The following ULK4 variants were observed in gnomAD, a reference collection of about 807,000 sequenced individuals.
The protein encoded by ULK4 is unc-51 like kinase 4, also known as inactive serine/threonine-protein kinase ULK4.
In ULK4, 133 loss-of-function variants were observed where a neutral mutation model predicts 160.6. The ratio of observed to expected loss-of-function variants is 0.83; its 90% CI spans 0.72 to 0.96. The LOEUF is 0.96. ULK4 is among the 40% of genes least tolerant of loss of function. The pLI, the probability that ULK4 is intolerant of heterozygous loss-of-function variation, is 0.00. For missense variants in ULK4, 1,580 were observed against 1,499.5 expected, an observed-to-expected ratio of 1.05 and a Z score of -0.89; for synonymous variants, 534 against 539.8, an observed-to-expected ratio of 0.99 and a Z score of 0.15.
chr3:41,806,810 G>A (rs2040657048), intron 19 of ULK4, among the ~76,000 whole-genome samples: 1 of 152,102 alleles, frequency 6.6e-6, no homozygotes, highest in Non-Finnish European at 1.5e-5. Flanking sequence ...TTAAATTTCT[G>A]CTCATAATGA....
chr3:41,787,937 T>C (rs983951504), intron 21 of ULK4, among the ~76,000 whole-genome samples: 10 of 152,154 alleles, frequency 6.6e-5, no homozygotes, highest in African/African-American at 2.2e-4. Flanking sequence ...ATGCCTGTGC[T>C]GAAGGTAAAA....
rs186156861 is a variant in ULK4, at chr3:41,265,553, G to C, written c.3679-15979C>G. Among the ~76,000 whole-genome samples the C allele has an allele frequency of 1.8e-3, 279 of 152,318 alleles. 1 individual carries two copies. The highest frequency in any genetic ancestry group is 3.3e-3 in the Non-Finnish European group (227 of 68,034). The stretch of plus-strand genomic sequence containing the variant: ...ACACTTGGTTTACATTATTAAAGCC[G>C]TCAGGCACCAATTAATCAAAATCTA... On this transcript the variant is annotated intron_variant, in intron 35 of 36. Coordinates refer to ENST00000301831, the MANE Select transcript of ULK4 (RefSeq NM_017886.4).
intron 30 of ULK4, among the ~76,000 whole-genome samples, chr3:41,646,271 C>A (rs1014217504): frequency 2.0e-5 from 3 of 152,186 alleles, no homozygotes; most frequent in African/African-American, 7.2e-5. Context: ...TTAGTTGATG[C>A]AGTTTCTTCC....
chr3:41,429,753 T>TG (rs1460106968), intron 34 of ULK4, among the ~76,000 whole-genome samples: 2 of 144,818 alleles, frequency 1.4e-5, no homozygotes, highest in Non-Finnish European at 3.0e-5. Flanking sequence ...GGGTGCAGCA[T>TG]GGGGGGAGGG....
At chr3:41,361,307 T>C (rs1397014869) in intron 35 of ULK4, among the ~76,000 whole-genome samples, 2 of 152,162 alleles carry the variant, frequency 1.3e-5, no homozygotes, top group Non-Finnish European at 2.9e-5. Context: ...AGATTTTAAA[T>C]AGGAAATGGC....
intron 32 of ULK4, among the ~76,000 whole-genome samples, chr3:41,473,815 TAAAAAG>T (rs143969631): frequency 0.02 from 3,071 of 151,654 alleles, 105 homozygotes; most frequent in African/African-American, 0.071. Flanking sequence ...TATAGAAAAT[TAAAAAG>T]AAAAAGAAAA....
At chr3:41,568,046 G>C (rs911434821) in intron 31 of ULK4, among the ~76,000 whole-genome samples, 1 of 152,102 alleles carries the variant, frequency 6.6e-6, no homozygotes, top group Non-Finnish European at 1.5e-5. Context: ...TTCTGTTCCA[G>C]AATTCAATCA....
chr3:41,575,857 C>G (rs554639265), intron 31 of ULK4, among the ~76,000 whole-genome samples: 1 of 33,380 alleles, frequency 3.0e-5, no homozygotes, highest in Non-Finnish European at 1.0e-4. Flanking sequence ...TAGGCTTTAG[C>G]AGGAAGCTTC....
chr3:41,390,333 A>AT (rs1175789930), intron 35 of ULK4, among the ~76,000 whole-genome samples: 2 of 152,014 alleles, frequency 1.3e-5, no homozygotes, highest in Non-Finnish European at 2.9e-5. Flanking sequence ...GGATTCATTG[A>AT]TTTTTTGAAG....
At position 41,463,111 on chromosome 3, in the gene ULK4, G is replaced by A. The variant is rs371730886; in HGVS notation, c.3369C>T (p.Ser1123=). The part of the protein sequence containing the change: ...DILHSMLTYT[S]GIVRLALQAQ... ...CCTGCAAAGCCAGCCGTACAATACC[G>A]GAGGTATAGGTCAGCATGCTGTGCA... is the stretch of plus-strand genomic sequence containing the variant. Residue 1123 remains serine, a synonymous_variant, in exon 33 of 37, where the codon TCC becomes TCT. Coordinates refer to ENST00000301831, the MANE Select transcript of ULK4 (RefSeq NM_017886.4). 3.5e-5 allele frequency: 56 copies of A among 1,613,534 alleles called. No individual in the cohort carries two copies. Among genetic ancestry groups the A allele is most frequent in the African/African-American group, 5.3e-5 (4 of 74,896 alleles).
chr3:41,685,393 G>A (rs2125796662), intron 27 of ULK4, among the ~76,000 whole-genome samples: 1 of 152,246 alleles, frequency 6.6e-6, no homozygotes, highest in South Asian at 2.1e-4. Flanking sequence ...CATTCCCACT[G>A]ATCACAAAAC....
At chr3:41,704,080 TTGAC>T (rs1481198579) in intron 27 of ULK4, among the ~76,000 whole-genome samples, 1 of 152,248 alleles carries the variant, frequency 6.6e-6, no homozygotes, top group Non-Finnish European at 1.5e-5. Flanking sequence ...CAACTCATGA[TTGAC>T]TGCTATCTAA....
intron 32 of ULK4, among the ~76,000 whole-genome samples, chr3:41,563,197 T>C (rs972380642): frequency 1.9e-4 from 29 of 152,316 alleles, no homozygotes; most frequent in African/African-American, 6.3e-4. Flanking sequence ...CCCACTCTCT[T>C]CTGGCTTGTA....
At chr3:41,574,285 C>A (rs2088104902) in intron 31 of ULK4, among the ~76,000 whole-genome samples, 2 of 152,134 alleles carry the variant, frequency 1.3e-5, no homozygotes, top group Admixed American at 1.3e-4. Context: ...AATTGGAGGT[C>A]CCACAGCTTG....
At chr3:41,866,612 C>T (rs898407439) in intron 17 of ULK4, among the ~76,000 whole-genome samples, 7 of 152,178 alleles carry the variant, frequency 4.6e-5, no homozygotes, top group Admixed American at 6.5e-5. Flanking sequence ...CTGTGCAGCC[C>T]GGTTCCTAAC....
chr3:41,883,616 CA>C (rs1349765854), intron 17 of ULK4, among the ~76,000 whole-genome samples: 12 of 152,134 alleles, frequency 7.9e-5, no homozygotes, highest in African/African-American at 2.7e-4. Flanking sequence ...AAGCCTTATT[CA>C]AAAACAAATG....
intron 20 of ULK4, among the ~76,000 whole-genome samples, chr3:41,794,914 G>T (rs889568128): frequency 2.6e-5 from 4 of 152,050 alleles, no homozygotes; most frequent in Non-Finnish European, 5.9e-5. Context: ...GAAATCCTAG[G>T]AAATGTCTGA....
chr3:41,865,271 TAAAAAAAAAAAAAAAAAAAAAAA>T lies in ULK4; in HGVS notation c.1656+18580_1656+18602del, dbSNP rs55741060. Among the ~76,000 whole-genome samples, 3 of 29,898 alleles carry T rather than the reference TAAAAAAAAAAAAAAAAAAAAAAA, an allele frequency of 1.0e-4. 1 individual carries two copies. The highest frequency in any genetic ancestry group is 2.7e-4 in the African/African-American group (2 of 7,380). 19.6% of individuals were successfully genotyped at this position (29,898 alleles called of 152,430 possible). On this transcript the variant is annotated intron_variant, in intron 17 of 36. Transcript: ENST00000301831. ...GGGCAACAGAGCAAGACTCTGTCTT[TAAAAAAAAAAAAAAAAAAAAAAA>T]AAAAAAAAAAAGCCTTATCTAGATG...
At chr3:41,839,401 G>T (rs898354739) in intron 17 of ULK4, among the ~76,000 whole-genome samples, 2 of 149,286 alleles carry the variant, frequency 1.3e-5, no homozygotes, top group Admixed American at 1.3e-4. Flanking sequence ...TGAAGTAATA[G>T]ATATAACATA....
Sources: allele counts gnomAD v4.1 joint callset (sites outside exome capture counted in the v4.1 genomes callset), GRCh38; gene constraint gnomAD v4.1.1; transcripts MANE v1.5; gene names NCBI Gene and HGNC (gene_info 2026-07-23, HGNC 2026-07-21).